Variants in NAALADL2 observed in about 807,000 individuals in gnomAD.
The protein encoded by NAALADL2 is N-acetylated alpha-linked acidic dipeptidase like 2.
NAALADL2 carries 76 observed loss-of-function variants against 87.2 expected under a neutral mutation model. The ratio of observed to expected loss-of-function variants is 0.87; its 90% CI spans 0.72 to 1.05. The LOEUF (loss-of-function observed/expected upper bound fraction) is 1.05, where lower values mean the gene tolerates loss of function less well. Ranked by LOEUF, NAALADL2 falls within the 50% of genes least tolerant of loss-of-function variation. NAALADL2 has a pLI of 0.00. For missense variants in NAALADL2, 1,089 were observed against 945.8 expected (o/e 1.15, Z -1.99); for synonymous variants, 354 against 331.0 (o/e 1.07, Z -0.75).
chr3:174,819,087 G>T (rs73174761), intron 3 of NAALADL2, among the ~76,000 whole-genome samples: 8,724 of 22,488 alleles, frequency 0.39, 626 homozygotes, highest in Non-Finnish European at 0.46. Flanking sequence ...TTTTTTTTTT[G>T]GAGACAGGAT....
At chr3:174,605,016 G>A (rs1718854895) in intron 2 of NAALADL2, among the ~76,000 whole-genome samples, 1 of 151,998 alleles carries the variant, frequency 6.6e-6, no homozygotes, top group South Asian at 2.1e-4. Context: ...GCCTCCCAAA[G>A]TACTGGGATT....
At chr3:175,338,117 T>C (rs1021098201) in intron 5 of NAALADL2, among the ~76,000 whole-genome samples, 2 of 152,118 alleles carry the variant, frequency 1.3e-5, no homozygotes, top group African/African-American at 4.8e-5. Context: ...GAAGACTAAA[T>C]TGTCATGCTT....
rs182049124 is a variant in NAALADL2, at chr3:175,109,939, T to C, written c.545+12648T>C. Among the ~76,000 whole-genome samples, 163 of 151,982 alleles carry C rather than the reference T, an allele frequency of 1.1e-3. 1 individual carries two copies. Among genetic ancestry groups the C allele is most frequent in the Admixed American group, 9.7e-3 (147 of 15,218 alleles). The stretch of plus-strand genomic sequence containing the variant: ...ATTTCTATTCATTTGTAACATTCCA[T>C]GTGGAATTTTACTTTTCCAAACAAG... On this transcript the variant is annotated intron_variant, in intron 2 of 13. Coordinates refer to ENST00000454872, the MANE Select transcript of NAALADL2 (RefSeq NM_207015.3).
intron 1 of NAALADL2, among the ~76,000 whole-genome samples, chr3:174,455,754 C>G (rs141320123): frequency 8.8e-4 from 134 of 152,238 alleles, no homozygotes; most frequent in African/African-American, 3.2e-3. Context: ...GAGAAACCCA[C>G]AGTCAACATC....
intron 13 of NAALADL2, among the ~76,000 whole-genome samples, chr3:175,762,105 T>C (rs1748094295): frequency 6.6e-6 from 1 of 152,056 alleles, no homozygotes; most frequent in Non-Finnish European, 1.5e-5. Context: ...TATTATCTTC[T>C]AGAAGTTTTA....
intron 11 of NAALADL2, chr3:175,718,600 T>G: frequency 6.3e-7 from 1 of 1,594,432 alleles, no homozygotes; most frequent in Non-Finnish European, 8.6e-7. Context: ...CTTTCTGGCC[T>G]TCTTCGAGTT....
intron 1 of NAALADL2, among the ~76,000 whole-genome samples, chr3:175,039,547 T>A (rs1340098783): frequency 6.6e-6 from 1 of 152,172 alleles, no homozygotes; most frequent in African/African-American, 2.4e-5. Context: ...TGTAGTATAA[T>A]TTTATGTAGT....
At chr3:174,700,006 T>C (rs950552223) in intron 2 of NAALADL2, among the ~76,000 whole-genome samples, 1 of 152,134 alleles carries the variant, frequency 6.6e-6, no homozygotes, top group African/African-American at 2.4e-5. Context: ...CAGGTTCAAT[T>C]CTCCCTCTTG....
chr3:175,639,946 T>G (rs895285715), intron 11 of NAALADL2, among the ~76,000 whole-genome samples: 5 of 152,140 alleles, frequency 3.3e-5, no homozygotes, highest in Admixed American at 2.6e-4. Flanking sequence ...TATGCCAGAA[T>G]GGATACACTA....
At chr3:174,785,947 C>A (rs1186270424) in intron 3 of NAALADL2, among the ~76,000 whole-genome samples, 1 of 152,008 alleles carries the variant, frequency 6.6e-6, no homozygotes, top group Non-Finnish European at 1.5e-5. Flanking sequence ...ATATTGATTC[C>A]TTTTTCCTAA....
chr3:175,797,206 G>A (rs1753605799), intron 13 of NAALADL2, among the ~76,000 whole-genome samples: 1 of 152,062 alleles, frequency 6.6e-6, no homozygotes, highest in African/African-American at 2.4e-5. Flanking sequence ...TGTGGGTCAG[G>A]ATAACTGTAT....
At chr3:175,017,168 CTT>C (rs113499944) in intron 1 of NAALADL2, among the ~76,000 whole-genome samples, 2 of 148,722 alleles carry the variant, frequency 1.3e-5, no homozygotes, top group Non-Finnish European at 3.0e-5. Context: ...CATTGCTTTT[CTT>C]TTTTTTTTCC....
At chr3:175,537,045 TG>T (rs770701115) in intron 9 of NAALADL2, among the ~76,000 whole-genome samples, 4 of 152,152 alleles carry the variant, frequency 2.6e-5, no homozygotes, top group Non-Finnish European at 5.9e-5. Flanking sequence ...ATCCAGACAC[TG>T]GGTTAGGTAT....
At chr3:175,560,504 T>G (rs781377548) in intron 9 of NAALADL2, among the ~76,000 whole-genome samples, 1 of 152,196 alleles carries the variant, frequency 6.6e-6, no homozygotes, top group Non-Finnish European at 1.5e-5. Context: ...ATTTCTTCCC[T>G]TCTACTAATT....
intron 9 of NAALADL2, among the ~76,000 whole-genome samples, chr3:175,481,558 A>C (rs965299169): frequency 7.2e-5 from 11 of 151,876 alleles, no homozygotes; most frequent in Non-Finnish European, 1.5e-4. Context: ...TTATAAAGAC[A>C]AACATATATC....
In NAALADL2 at chr3:174,921,811, AAAAAAAAAAAGAAAAAG is replaced by A. The variant is rs1735242937; in HGVS notation, c.43+62367_43+62383del. 1.6e-5 allele frequency among the ~76,000 whole-genome samples: 2 copies of A among 125,204 alleles called. 1 individual carries two copies. The highest frequency in any genetic ancestry group is 7.0e-5 in the African/African-American group (2 of 28,526). The allele number at this position is 125,204 out of a possible 152,430, so 82.1% of individuals were successfully genotyped here. A position where few individuals can be genotyped will look rare whatever the true frequency, so the allele number is the denominator to read the frequency against. On this transcript the variant is annotated intron_variant, in intron 1 of 13. Coordinates refer to ENST00000454872, the MANE Select transcript of NAALADL2 (RefSeq NM_207015.3). ...CAGAGCAAGACTCCGTCTCAAAAAA[AAAAAAAAAAAGAAAAAG>A]AAAAAGAAAAGAAAAAAATCTTCTT...
intron 1 of NAALADL2, among the ~76,000 whole-genome samples, chr3:175,083,289 T>C (rs572238651): frequency 1.9e-4 from 29 of 152,312 alleles, no homozygotes; most frequent in African/African-American, 5.8e-4. Flanking sequence ...TTTTCAGAGA[T>C]TGGAGAAATT....
At chr3:174,725,270 T>A (rs1732076725) in intron 2 of NAALADL2, among the ~76,000 whole-genome samples, 1 of 152,178 alleles carries the variant, frequency 6.6e-6, no homozygotes, top group Non-Finnish European at 1.5e-5. Flanking sequence ...ATAACCTAAT[T>A]CATTAGATGT....
At chr3:175,142,790 G>A (rs1317560285) in intron 2 of NAALADL2, among the ~76,000 whole-genome samples, 1 of 151,786 alleles carries the variant, frequency 6.6e-6, no homozygotes, top group Non-Finnish European at 1.5e-5. Flanking sequence ...ATTCTTACAT[G>A]ATTTTGGCTA....
Sources: allele counts gnomAD v4.1 joint callset (sites outside exome capture counted in the v4.1 genomes callset), GRCh38; gene constraint gnomAD v4.1.1; transcripts MANE v1.5; gene names NCBI Gene and HGNC (gene_info 2026-07-23, HGNC 2026-07-21).